PLCL1: variants seen among roughly 807,000 people sequenced by gnomAD.
PLCL1 encodes the protein inactive phospholipase C-like protein 1.
Under a neutral mutation model 84.4 loss-of-function variants are expected in PLCL1, and 41 were observed. The observed-to-expected ratio is 0.49, with a 90% CI of 0.38 to 0.63. The LOEUF (loss-of-function observed/expected upper bound fraction) is 0.63, where lower values mean the gene tolerates loss of function less well. Ranked by LOEUF, PLCL1 falls within the 30% of genes least tolerant of loss-of-function variation. The pLI is 0.00. For missense variants in PLCL1, 1,206 were observed against 1,367.8 expected (o/e 0.88, Z 1.87); for synonymous variants, 490 against 488.3 (o/e 1.00, Z -0.05).
chr2:197,823,769 A>G (rs1690866575), intron 1 of PLCL1, among the ~76,000 whole-genome samples: 1 of 116,084 alleles, frequency 8.6e-6, no homozygotes, highest in South Asian at 2.8e-4. Flanking sequence ...AAATGCCCAG[A>G]AACTTTGATT....
chr2:197,866,182 A>G lies in PLCL1; in HGVS notation c.240+60843A>G, dbSNP rs946064910. ...AACTATATATATATATAAACTATAT[A>G]TATATATAAACTATATATATATATA... On this transcript the variant is annotated intron_variant, in intron 1 of 5. Coordinates refer to ENST00000428675, the MANE Select transcript of PLCL1 (RefSeq NM_006226.4). Among the ~76,000 whole-genome samples, 52 of 105,582 alleles carry G rather than the reference A, an allele frequency of 4.9e-4. 2 individuals carry two copies. Among genetic ancestry groups the G allele is most frequent in the African/African-American group, 2.2e-3 (52 of 23,502 alleles). 69.3% of individuals were successfully genotyped at this position (105,582 alleles called of 152,430 possible).
chr2:198,073,592 C>G (rs1415869003), intron 1 of PLCL1, among the ~76,000 whole-genome samples: 1 of 152,106 alleles, frequency 6.6e-6, no homozygotes, highest in Non-Finnish European at 1.5e-5. Flanking sequence ...TAAGAGAAAA[C>G]ATATTAAGGA....
At chr2:198,094,065 T>A (rs80083662) in intron 3 of PLCL1, among the ~76,000 whole-genome samples, 2,445 of 152,216 alleles carry the variant, frequency 0.016, 65 homozygotes, top group African/African-American at 0.054. Flanking sequence ...TTTTTCTCTC[T>A]CTCTTTTTGT....
At position 198,083,934 on chromosome 2, in the gene PLCL1, A is replaced by T. The variant is rs1271350641; in HGVS notation, c.417A>T (p.Thr139=). The T allele has an allele frequency of 1.9e-6, 3 of 1,614,180 alleles. No homozygotes were observed. The highest frequency in any genetic ancestry group is 1.3e-5 in the African/African-American group (1 of 75,064). Residue 139 remains threonine, a synonymous_variant, in exon 2 of 6, where the codon ACA becomes ACT. Transcript: ENST00000428675. Reference sequence around the variant, plus strand: ...ACAACCGTTTTTTCACTCTGGACACAGACCTTCAAGCTCTTCGCTGGGAAC... The same window carrying T: ...ACAACCGTTTTTTCACTCTGGACACTGACCTTCAAGCTCTTCGCTGGGAAC... ...RIYNRFFTLD[T]DLQALRWEPS... is the part of the protein sequence containing the mutation.
At chr2:197,945,084 T>C (rs1689245133) in intron 1 of PLCL1, among the ~76,000 whole-genome samples, 1 of 152,226 alleles carries the variant, frequency 6.6e-6, no homozygotes, top group African/African-American at 2.4e-5. Flanking sequence ...TAATATCTTA[T>C]CTAAATGTTT....
chr2:197,808,145 C>A (rs965863997), intron 1 of PLCL1, among the ~76,000 whole-genome samples: 2 of 152,084 alleles, frequency 1.3e-5, no homozygotes, highest in African/African-American at 4.8e-5. Flanking sequence ...TTTTTAAAAT[C>A]TGTCTACTTT....
intron 1 of PLCL1, among the ~76,000 whole-genome samples, chr2:197,814,796 T>G (rs1253189332): frequency 6.6e-6 from 1 of 152,096 alleles, no homozygotes; most frequent in African/African-American, 2.4e-5. Flanking sequence ...ATGAAGAAAG[T>G]TTTAGCGATC....
chr2:197,932,571 C>T (rs1006842495), intron 1 of PLCL1, among the ~76,000 whole-genome samples: 2 of 152,136 alleles, frequency 1.3e-5, no homozygotes, highest in African/African-American at 2.4e-5. Flanking sequence ...TCCCTGTGTC[C>T]ATGTGTTTTC....
At chr2:198,088,470 G>A (rs755929198) in intron 2 of PLCL1, among the ~76,000 whole-genome samples, 2 of 152,244 alleles carry the variant, frequency 1.3e-5, no homozygotes, top group African/African-American at 2.4e-5. Context: ...CCATTGATTA[G>A]TCAGATGGAG....
intron 1 of PLCL1, among the ~76,000 whole-genome samples, chr2:197,906,865 GTC>G (rs1306057105): frequency 2.0e-5 from 3 of 152,136 alleles, no homozygotes; most frequent in African/African-American, 7.2e-5. Flanking sequence ...CTCTCTGTTT[GTC>G]TGTTATTGGT....
At chr2:197,912,005 CCCTTTAGA>C (rs1323217376) in intron 1 of PLCL1, among the ~76,000 whole-genome samples, 1 of 152,156 alleles carries the variant, frequency 6.6e-6, no homozygotes, top group East Asian at 1.9e-4. Flanking sequence ...TAATGCCAGT[CCCTTTAGA>C]CCTCCTTAAA....
At chr2:198,105,947 C>G (rs1693464068) in intron 5 of PLCL1, among the ~76,000 whole-genome samples, 1 of 151,760 alleles carries the variant, frequency 6.6e-6, no homozygotes, top group Non-Finnish European at 1.5e-5. Context: ...ATGATTTAGG[C>G]AGACAATATA....
intron 1 of PLCL1, among the ~76,000 whole-genome samples, chr2:198,060,376 T>C (rs1692163886): frequency 6.6e-6 from 1 of 152,224 alleles, no homozygotes; most frequent in Non-Finnish European, 1.5e-5. Flanking sequence ...GTTAAGTCAT[T>C]ACAGATGTTA....
intron 1 of PLCL1, among the ~76,000 whole-genome samples, chr2:197,863,255 T>C (rs1181025455): frequency 2.0e-5 from 3 of 152,100 alleles, no homozygotes; most frequent in African/African-American, 7.2e-5. Context: ...CTGAATGTGA[T>C]GAAAAGGCTT....
Position 198,147,168 on chromosome 2 carries a change from A to T in PLCL1, c.*206A>T. 3 of 442,726 alleles carry T rather than the reference A, an allele frequency of 6.8e-6. No homozygotes were observed. The highest frequency in any genetic ancestry group is 2.0e-5 in the African/African-American group (1 of 49,814). 27.4% of individuals were successfully genotyped at this position (442,726 alleles called of 1,614,324 possible). ...GTATCAGTGTTTTAAATTCTGAGAC[A>T]TGTGTCAACACCCCTGTGTGGATGC... is the stretch of plus-strand genomic sequence containing the variant. On this transcript the variant is annotated 3_prime_UTR_variant, in exon 6 of 6. Transcript: ENST00000428675.
chr2:197,912,504 T>C (rs1225618536), intron 1 of PLCL1, among the ~76,000 whole-genome samples: 1 of 151,788 alleles, frequency 6.6e-6, no homozygotes, highest in Non-Finnish European at 1.5e-5. Flanking sequence ...CGTATGTTTA[T>C]TGCGGCATTA....
intron 1 of PLCL1, among the ~76,000 whole-genome samples, chr2:197,863,410 A>G (rs13012028): frequency 2.0e-5 from 3 of 152,156 alleles, no homozygotes; most frequent in Non-Finnish European, 2.9e-5. Context: ...TAGTCTGATA[A>G]CAGATAGATA....
chr2:198,081,283 A>C (rs1434179119), intron 1 of PLCL1, among the ~76,000 whole-genome samples: 1 of 152,224 alleles, frequency 6.6e-6, no homozygotes, highest in African/African-American at 2.4e-5. Flanking sequence ...CATTAGCTTA[A>C]AAGGCAAATG....
chr2:197,975,073 G>A (rs1277291140), intron 1 of PLCL1, among the ~76,000 whole-genome samples: 7 of 150,264 alleles, frequency 4.7e-5, no homozygotes, highest in South Asian at 2.1e-4. Context: ...CCCGGGAAGC[G>A]GAGCTTGCAG....
Sources: gnomAD v4.1 joint callset for allele counts (sites outside exome capture counted in the v4.1 genomes callset) on GRCh38, gnomAD v4.1.1 for gene constraint, MANE v1.5 for transcripts, NCBI Gene and HGNC (gene_info 2026-07-23, HGNC 2026-07-21) for gene names.